VPS45: variants seen among roughly 807,000 people sequenced by gnomAD.
The protein encoded by VPS45 is vacuolar protein sorting-associated protein 45.
A neutral mutation model predicts 75.9 loss-of-function variants in VPS45; 35 were observed. That is an observed-to-expected ratio of 0.46 (90% CI 0.35 to 0.61). The LOEUF is 0.61. Ranked by LOEUF, VPS45 falls within the 20% of genes least tolerant of loss-of-function variation. The pLI, the probability that VPS45 is intolerant of heterozygous loss-of-function variation, is 0.00. For missense variants in VPS45, 559 were observed against 685.9 expected (o/e 0.81, Z 2.07); for synonymous variants, 220 against 238.2 (o/e 0.92, Z 0.70).
At chr1:150,071,667 A>G (rs1655079595) in intron 2 of VPS45, among the ~76,000 whole-genome samples, 1 of 152,046 alleles carries the variant, frequency 6.6e-6, no homozygotes, top group Non-Finnish European at 1.5e-5. Flanking sequence ...ACAAACCTGT[A>G]ATCTCAGCTA....
chr1:150,095,830 G>T (rs1266769885), intron 13 of VPS45, among the ~76,000 whole-genome samples: 4 of 152,078 alleles, frequency 2.6e-5, no homozygotes, highest in Admixed American at 2.6e-4. Flanking sequence ...CTAGTAAAGA[G>T]ATTTTTTTTT....
intron 14 of VPS45, among the ~76,000 whole-genome samples, chr1:150,143,722 T>C (rs1659531143): frequency 1.3e-5 from 2 of 152,182 alleles, no homozygotes; most frequent in Non-Finnish European, 2.9e-5. Context: ...GCATAGAGGC[T>C]GCACTCTGAG....
intron 1 of VPS45, 38 bp from the exon 2 acceptor site, chr1:150,068,592 A>G: frequency 1.4e-6 from 2 of 1,474,452 alleles, no homozygotes; most frequent in Non-Finnish European, 1.8e-6. Context: ...TTATTATTCT[A>G]GACTAGCATA....
intron 13 of VPS45, among the ~76,000 whole-genome samples, chr1:150,104,956 G>A (rs1307510362): frequency 1.3e-5 from 2 of 152,068 alleles, no homozygotes; most frequent in African/African-American, 4.8e-5. Context: ...CTGTGCATTT[G>A]CTCCCCTCCC....
intron 14 of VPS45, among the ~76,000 whole-genome samples, chr1:150,128,167 T>C (rs982236730): frequency 3.3e-5 from 5 of 152,050 alleles, no homozygotes; most frequent in Middle Eastern, 3.4e-3. Context: ...CTGGGCGTGA[T>C]GGTGCGTGCC....
intron 13 of VPS45, among the ~76,000 whole-genome samples, chr1:150,101,810 G>A (rs1553804441): frequency 6.6e-6 from 1 of 152,060 alleles, no homozygotes; most frequent in Non-Finnish European, 1.5e-5. Flanking sequence ...GCTGTTGGTG[G>A]GAGTGTAAAT....
chr1:150,128,803 G>C (rs1205264898), intron 14 of VPS45, among the ~76,000 whole-genome samples: 2 of 151,440 alleles, frequency 1.3e-5, no homozygotes, highest in South Asian at 4.2e-4. Flanking sequence ...GCAGTGGCAC[G>C]ATCTCGGCTC....
At chr1:150,072,390 C>T (rs1033007427) in intron 3 of VPS45, among the ~76,000 whole-genome samples, 164 bp downstream of exon 3, 32 of 152,046 alleles carry the variant, frequency 2.1e-4, no homozygotes, top group Non-Finnish European at 3.7e-4. Flanking sequence ...CTGCCGGGCG[C>T]GGTGGCTCAC....
Position 150,091,920 on chromosome 1 carries a change from GT to G in VPS45, c.1105-15del, listed in dbSNP as rs1329799423. On this transcript the variant is annotated splice_polypyrimidine_tract_variant and intron_variant, in intron 10 of 14. Transcript: ENST00000644510. The stretch of plus-strand genomic sequence containing the variant: ...TCAAGTGAAAGGGGGATAAATATAA[GT>G]TCTATCTTTCTTCAGAATATAAAAA... 2.5e-6 allele frequency: 4 copies of G among 1,609,800 alleles called. No individual in the cohort carries two copies. In the Admixed American group the frequency reaches 6.8e-5, roughly 27 times the overall value.
At chr1:150,125,616 C>T (rs1417029362) in intron 14 of VPS45, among the ~76,000 whole-genome samples, 17 of 115,298 alleles carry the variant, frequency 1.5e-4, no homozygotes, top group Non-Finnish European at 2.6e-4. Flanking sequence ...CACTTGGACA[C>T]AGGAAGGGGA....
At position 150,077,200 on chromosome 1, in the gene VPS45, AG is replaced by A. The variant is rs1181481741; in HGVS notation, c.547del (p.Ala183GlnfsTer12). 6.2e-7 allele frequency: 1 copy of A among 1,613,994 alleles called. No homozygotes were observed. Among genetic ancestry groups the A allele is most frequent in the Non-Finnish European group, 8.5e-7 (1 of 1,180,018 alleles). On this transcript the variant is annotated frameshift_variant, in exon 6 of 15. Coordinates refer to ENST00000644510, the MANE Select transcript of VPS45 (RefSeq NM_007259.5). LOFTEE classifies it high-confidence loss of function. ...CPMIRYQLSS[E>X]AAKRLAECVK... ...ATGATTCGTTATCAGCTCTCATCAGAGGCAGCAAAGAGACTTGCAGAGTGCG... is the reference window on the plus strand; with the variant it reads ...ATGATTCGTTATCAGCTCTCATCAGAGCAGCAAAGAGACTTGCAGAGTGCG...
At chr1:150,130,171 T>C (rs1658752131) in intron 14 of VPS45, among the ~76,000 whole-genome samples, 1 of 148,370 alleles carries the variant, frequency 6.7e-6, no homozygotes, top group South Asian at 2.1e-4. Context: ...AGCACACATA[T>C]ATATCTATAT....
At chr1:150,119,825 G>C (rs926903960) in intron 14 of VPS45, among the ~76,000 whole-genome samples, 2 of 152,170 alleles carry the variant, frequency 1.3e-5, no homozygotes, top group Non-Finnish European at 2.9e-5. Context: ...AATAAAATCT[G>C]AGGCCGGGCG....
chr1:150,131,168 A>C (rs1202888477), intron 14 of VPS45, among the ~76,000 whole-genome samples: 1 of 152,140 alleles, frequency 6.6e-6, no homozygotes, highest in Non-Finnish European at 1.5e-5. Flanking sequence ...TTATATCTTC[A>C]CATCATGCCC....
At chr1:150,083,021 A>G in intron 10 of VPS45, 138 bp downstream of exon 10, 1 of 829,854 alleles carries the variant, frequency 1.2e-6, no homozygotes, top group Non-Finnish European at 1.8e-6. Context: ...ACAAATTAAT[A>G]TTATTTAAGA....
chr1:150,131,303 G>A (rs749242564), intron 14 of VPS45, among the ~76,000 whole-genome samples: 1 of 152,144 alleles, frequency 6.6e-6, no homozygotes, highest in Non-Finnish European at 1.5e-5. Flanking sequence ...GAGGTCAGGA[G>A]TTTGAAACCA....
At chr1:150,130,910 T>C (rs1553812235) in intron 14 of VPS45, among the ~76,000 whole-genome samples, 1 of 152,160 alleles carries the variant, frequency 6.6e-6, no homozygotes, top group East Asian at 1.9e-4. Context: ...AGTGAGATCA[T>C]TATGATCTCA....
At chr1:150,136,118 G>A (rs1019069359) in intron 14 of VPS45, among the ~76,000 whole-genome samples, 1 of 151,074 alleles carries the variant, frequency 6.6e-6, no homozygotes, top group Non-Finnish European at 1.5e-5. Flanking sequence ...GCATGGTGGT[G>A]CATGCCTGTA....
At chr1:150,080,021 T>TA (rs1418688626) in intron 7 of VPS45, among the ~76,000 whole-genome samples, 1 of 152,184 alleles carries the variant, frequency 6.6e-6, no homozygotes, top group Non-Finnish European at 1.5e-5. Flanking sequence ...GGTTAAAAGT[T>TA]ACAATTTCTG....
Sources: gnomAD v4.1 joint callset for allele counts (sites outside exome capture counted in the v4.1 genomes callset) on GRCh38, gnomAD v4.1.1 for gene constraint, MANE v1.5 for transcripts, NCBI Gene and HGNC (gene_info 2026-07-23, HGNC 2026-07-21) for gene names.